The following RUFY1 variants were observed in gnomAD, a reference collection of about 807,000 sequenced individuals.
RUFY1 encodes the protein RUN and FYVE domain-containing protein 1.
Under a neutral mutation model 94.6 loss-of-function variants are expected in RUFY1, and 54 were observed. The ratio of observed to expected loss-of-function variants is 0.57; its 90% confidence interval spans 0.46 to 0.72. The LOEUF is 0.72. Among genes scored for constraint, RUFY1 ranks in the 30% least tolerant of loss-of-function variants. RUFY1 has a pLI of 0.00. For synonymous variants in RUFY1, 396 were observed against 347.3 expected (o/e 1.14, Z -1.56); for missense variants, 883 against 883.9 (o/e 1.00, Z 0.01).
chr5:179,606,941 C>T (rs751659267), intron 16 of RUFY1: 1 of 153,386 alleles, frequency 6.5e-6, no homozygotes, highest in Non-Finnish European at 1.5e-5. Flanking sequence ...CCAAATAAAT[C>T]ACAGGTGCTG....
Position 179,577,093 on chromosome 5 carries a change from T to G in RUFY1, c.847T>G (p.Ser283Ala). 6.2e-7 allele frequency: 1 copy of G among 1,602,796 alleles called. No individual in the cohort carries two copies. The highest frequency in any genetic ancestry group is 1.1e-5 in the South Asian group (1 of 90,824). ...CGTTTAGGTTGGAGTAATAGATTTT[T>G]CCCTCTACCTTAAGGATGTGCAGGA... ...LDSQVGVIDF[S>A]LYLKDVQDLD... Residue 283 changes from serine to alanine, a missense_variant, in exon 6 of 18, where the codon TCC becomes GCC. Coordinates refer to ENST00000319449, the MANE Select transcript of RUFY1 (RefSeq NM_025158.5).
intron 1 of RUFY1, among the ~76,000 whole-genome samples, chr5:179,554,272 C>T (rs897197970): frequency 6.6e-6 from 1 of 152,340 alleles, no homozygotes; most frequent in South Asian, 2.1e-4. Flanking sequence ...TGCAGTGGCT[C>T]ATGCCTGTAA....
chr5:179,559,732 A>G (rs1762292816), intron 1 of RUFY1: 3 of 1,099,836 alleles, frequency 2.7e-6, no homozygotes, highest in Non-Finnish European at 3.3e-6. Flanking sequence ...AAACGCGGCG[A>G]GTCTTGCTAA....
chr5:179,578,201 ATTTG>A (rs1481922814), intron 6 of RUFY1, among the ~76,000 whole-genome samples: 24 of 152,000 alleles, frequency 1.6e-4, no homozygotes, highest in East Asian at 9.7e-4. Flanking sequence ...AGTGTTTTAG[ATTTG>A]TTTGTTTGTT....
At chr5:179,607,124 GTC>G (rs1348008755) in intron 16 of RUFY1, 1 of 183,436 alleles carries the variant, frequency 5.5e-6, no homozygotes, top group Non-Finnish European at 1.2e-5. Flanking sequence ...ATCACCTTCT[GTC>G]TCTCCACAAG....
intron 6 of RUFY1, 53 bp downstream of exon 6, chr5:179,577,189 T>G (rs1406000548): frequency 4.1e-5 from 36 of 871,480 alleles, no homozygotes; most frequent in Middle Eastern, 3.6e-4. Flanking sequence ...TTTTTTTTTT[T>G]GAGACAGAAT....
At chr5:179,551,501 TA>T (rs1761850169) in intron 1 of RUFY1, among the ~76,000 whole-genome samples, 1 of 152,182 alleles carries the variant, frequency 6.6e-6, no homozygotes, top group South Asian at 2.1e-4. Flanking sequence ...TATTTATTTT[TA>T]TTTTTTTGAG....
In RUFY1 at chr5:179,582,906, G is replaced by A. The variant is rs554532478; in HGVS notation, c.956+1894G>A. On this transcript the variant is annotated intron_variant, in intron 7 of 17. Transcript: ENST00000319449. ...TGAAATTTTATAGTTTTCTTTCTCC[G>A]CCATCATATCAGGGTTATGTAGCAT... Among the ~76,000 whole-genome samples the A allele has an allele frequency of 3.9e-5, 6 of 152,104 alleles. No individual in the cohort carries two copies. The South Asian group carries it at 8.3e-4, about 21-fold the overall frequency.
chr5:179,595,019 C>A, intron 12 of RUFY1, 56 bp downstream of exon 12: 1 of 1,269,130 alleles, frequency 7.9e-7, no homozygotes, highest in South Asian at 1.2e-5. Context: ...TTCCCTGGGC[C>A]TGGAGACTTA....
chr5:179,598,695 A>G lies in RUFY1; in HGVS notation c.1635A>G (p.Ser545=), dbSNP rs1214678650. The G allele has an allele frequency of 3.1e-6, 5 of 1,613,746 alleles. No homozygotes were observed. In the Admixed American group the frequency reaches 5.0e-5, roughly 16 times the overall value. ...CAAGTTCATTTTGGGAAAACAGCTC[A>G]AGCCTGGAGAAAGAATTGAAATCAG... ...LQLSQLHEQC[S]SLEKELKSEK... The change falls in exon 14 of 18, where the codon TCA becomes TCG. Residue 545 remains serine, a synonymous_variant. Coordinates refer to ENST00000319449, the MANE Select transcript of RUFY1 (RefSeq NM_025158.5).
chr5:179,567,391 C>G, intron 3 of RUFY1, 70 bp from the exon 4 acceptor site: 1 of 1,132,288 alleles, frequency 8.8e-7, no homozygotes, highest in East Asian at 2.4e-5. Flanking sequence ...GTCTCCCTGG[C>G]TAAATCAGGT....
At chr5:179,583,041 G>A (rs542932678) in intron 7 of RUFY1, among the ~76,000 whole-genome samples, 12 of 151,626 alleles carry the variant, frequency 7.9e-5, no homozygotes, top group Non-Finnish European at 1.0e-4. Flanking sequence ...GATGGCTCAC[G>A]ATTGTAATCC....
chr5:179,595,854 A>G (rs918182479), intron 12 of RUFY1: 5 of 152,688 alleles, frequency 3.3e-5, no homozygotes, highest in African/African-American at 4.8e-5. Context: ...CTGGCCAGCT[A>G]CCGTTTCTTT....
chr5:179,584,318 G>C (rs902302062), intron 7 of RUFY1, among the ~76,000 whole-genome samples: 3 of 152,172 alleles, frequency 2.0e-5, no homozygotes, highest in Non-Finnish European at 4.4e-5. Context: ...AGAAGTACAG[G>C]CTCTAGAGCC....
chr5:179,596,480 A>T, intron 12 of RUFY1, 82 bp from the exon 13 acceptor site: 1 of 1,547,556 alleles, frequency 6.5e-7, no homozygotes, highest in Non-Finnish European at 8.9e-7. Flanking sequence ...TGGTAATTTT[A>T]AAAATGAATT....
intron 8 of RUFY1, among the ~76,000 whole-genome samples, chr5:179,587,936 G>A (rs1764743733): frequency 1.3e-5 from 2 of 152,034 alleles, no homozygotes; most frequent in African/African-American, 4.8e-5. Flanking sequence ...GCTGAGGTGA[G>A]AGGATCACTT....
chr5:179,557,245 A>G (rs1294496871), intron 1 of RUFY1, among the ~76,000 whole-genome samples: 3 of 152,242 alleles, frequency 2.0e-5, no homozygotes, highest in South Asian at 4.1e-4. Flanking sequence ...CCTGGCCAAC[A>G]TAGTAAAACC....
chr5:179,602,090 C>A, intron 15 of RUFY1, 104 bp downstream of exon 15: 1 of 883,498 alleles, frequency 1.1e-6, no homozygotes, highest in Non-Finnish European at 1.8e-6. Context: ...GAGGGTGGGC[C>A]ATTTAGGAGC....
chr5:179,559,468 G>A (rs1257584944), intron 1 of RUFY1, among the ~76,000 whole-genome samples: 1 of 152,220 alleles, frequency 6.6e-6, no homozygotes, highest in Non-Finnish European at 1.5e-5. Context: ...CAGGCACCCG[G>A]CTGGCACTAT....
Sources: allele counts gnomAD v4.1 joint callset (sites outside exome capture counted in the v4.1 genomes callset), GRCh38; gene constraint gnomAD v4.1.1; transcripts MANE v1.5; gene names NCBI Gene and HGNC (gene_info 2026-07-23, HGNC 2026-07-21).